TGFBR2: variants seen among roughly 807,000 people sequenced by gnomAD.
TGFBR2 encodes the protein TGF-beta receptor type-2.
Under a neutral mutation model 49.0 loss-of-function variants are expected in TGFBR2, and 18 were observed. The ratio of observed to expected loss-of-function variants is 0.37; its 90% CI spans 0.25 to 0.54. The LOEUF (loss-of-function observed/expected upper bound fraction) is 0.54. Among genes scored for constraint, TGFBR2 ranks in the 20% least tolerant of loss-of-function variants. The probability of loss-of-function intolerance (pLI) is 0.85; values close to 1 mark genes in which losing one functional copy is unlikely to be tolerated. For synonymous variants in TGFBR2, 282 were observed against 275.9 expected, an observed-to-expected ratio of 1.02 and a Z score of -0.22; for missense variants, 525 against 722.6, an observed-to-expected ratio of 0.73 and a Z score of 3.13.
At chr3:30,646,663 T>A (rs574813126) in intron 2 of TGFBR2, among the ~76,000 whole-genome samples, 50 of 152,222 alleles carry the variant, frequency 3.3e-4, no homozygotes, top group African/African-American at 1.2e-3. Context: ...CCAAGTGAAG[T>A]TCAGGAGAGG....
chr3:30,664,254 G>A (rs986907300), intron 3 of TGFBR2, among the ~76,000 whole-genome samples: 3 of 151,888 alleles, frequency 2.0e-5, no homozygotes, highest in African/African-American at 7.3e-5. Flanking sequence ...GAAGTGCTGG[G>A]ATTACAGGTG....
chr3:30,623,460 TTAAAA>T (rs1432978003), intron 1 of TGFBR2, among the ~76,000 whole-genome samples: 1 of 152,222 alleles, frequency 6.6e-6, no homozygotes, highest in African/African-American at 2.4e-5. Context: ...GCCTCGAACA[TTAAAA>T]GCCCAATTTA....
intron 1 of TGFBR2, among the ~76,000 whole-genome samples, chr3:30,618,945 C>T (rs895897150): frequency 6.6e-6 from 1 of 152,098 alleles, no homozygotes; most frequent in Non-Finnish European, 1.5e-5. Flanking sequence ...TTACTTTTGT[C>T]TTCCAGAATT....
chr3:30,614,948 A>G (rs1019769405), intron 1 of TGFBR2, among the ~76,000 whole-genome samples: 2 of 152,210 alleles, frequency 1.3e-5, no homozygotes, highest in African/African-American at 2.4e-5. Context: ...ACATTTTTCT[A>G]GTGTTTTAGC....
rs1318461187 is a variant in TGFBR2 at position 30,691,896 on chromosome 3, G to T, written c.*297G>T. The T allele has an allele frequency of 5.7e-6, 2 of 348,974 alleles. No individual in the cohort carries two copies. The highest frequency in any genetic ancestry group is 8.8e-5 in the East Asian group (2 of 22,714). The allele number at this position is 348,974 out of a possible 1,614,324, so 21.6% of individuals were successfully genotyped here. On this transcript the variant is annotated 3_prime_UTR_variant, in exon 7 of 7. Transcript: ENST00000295754. ...TTTATTAATGCCTGTATATAAATAT[G>T]AATAGCTATGTTTTATATATATATA...
rs1244365502 is a variant in TGFBR2 at position 30,672,273 on chromosome 3, G to C, written c.1090G>C (p.Asp364His). 6.2e-7 allele frequency: 1 copy of C among 1,604,558 alleles called. No individual in the cohort carries two copies. ...LARGIAHLHS[D>H]HTPCGRPKMP... ...CCGGGGGATTGCTCACCTCCACAGTGATCACACTCCATGTGGGAGGCCCAA... is the reference window on the plus strand; with the variant it reads ...CCGGGGGATTGCTCACCTCCACAGTCATCACACTCCATGTGGGAGGCCCAA... The change falls in exon 4 of 7, where the codon GAT becomes CAT. Residue 364 changes from aspartate (D) to histidine (H), a missense_variant. By Grantham distance (81) the Asp-to-His change is moderately conservative. This residue lies in a region of TGFBR2 where 376 missense variants were observed against 478.2 expected (regional missense o/e 0.79). Coordinates refer to ENST00000295754, the MANE Select transcript of TGFBR2 (RefSeq NM_003242.6). The surrounding 1 kb of genome is among the most constrained non-coding windows in gnomAD (Gnocchi z 4.5).
chr3:30,614,280 T>C (rs1167509452), intron 1 of TGFBR2, among the ~76,000 whole-genome samples: 1 of 152,052 alleles, frequency 6.6e-6, no homozygotes. Flanking sequence ...CAAGCCTCTT[T>C]AAAGAAAACA....
chr3:30,646,431 A>T (rs1698742765), intron 2 of TGFBR2, among the ~76,000 whole-genome samples: 1 of 152,220 alleles, frequency 6.6e-6, no homozygotes, highest in African/African-American at 2.4e-5. Flanking sequence ...GGCCTGGGCA[A>T]TTAGACATGG....
chr3:30,627,005 C>T (rs550000700), intron 1 of TGFBR2, among the ~76,000 whole-genome samples: 8 of 152,102 alleles, frequency 5.3e-5, no homozygotes, highest in African/African-American at 1.2e-4. Flanking sequence ...AGGGGAATGA[C>T]GTAATAAAAC....
chr3:30,651,629 GT>G (rs1298914168), intron 3 of TGFBR2, among the ~76,000 whole-genome samples: 1 of 152,146 alleles, frequency 6.6e-6, no homozygotes, highest in African/African-American at 2.4e-5. Context: ...ATTGTCTTCA[GT>G]TTTTCCACTT....
chr3:30,641,699 G>A (rs546298602), intron 1 of TGFBR2, among the ~76,000 whole-genome samples: 1 of 152,232 alleles, frequency 6.6e-6, no homozygotes, highest in South Asian at 2.1e-4. Flanking sequence ...CCCACCATAT[G>A]CCTGTGTCTA....
At chr3:30,641,416 A>G (rs374224424) in intron 1 of TGFBR2, among the ~76,000 whole-genome samples, 1 of 152,194 alleles carries the variant, frequency 6.6e-6, no homozygotes, top group Non-Finnish European at 1.5e-5. Context: ...TGGAATGTAT[A>G]TGACCTCAAG....
At chr3:30,622,154 A>G (rs1191090000) in intron 1 of TGFBR2, among the ~76,000 whole-genome samples, 1 of 152,238 alleles carries the variant, frequency 6.6e-6, no homozygotes, top group African/African-American at 2.4e-5. Context: ...AAAATTTATC[A>G]TCAAGAAAGT....
chr3:30,610,557 G>A (rs1211641656), intron 1 of TGFBR2, among the ~76,000 whole-genome samples: 3 of 152,156 alleles, frequency 2.0e-5, no homozygotes, highest in African/African-American at 7.2e-5. Context: ...GAAGAGTGTA[G>A]GGTATAAACT....
At chr3:30,641,093 A>G (rs541307034) in intron 1 of TGFBR2, among the ~76,000 whole-genome samples, 1 of 152,308 alleles carries the variant, frequency 6.6e-6, no homozygotes, top group South Asian at 2.1e-4. Context: ...GACCAGCAGT[A>G]TACCACTTAG....
chr3:30,642,524 A>C (rs1055173064), intron 1 of TGFBR2, among the ~76,000 whole-genome samples: 1 of 152,190 alleles, frequency 6.6e-6, no homozygotes, highest in African/African-American at 2.4e-5. Context: ...GGATTTCAAC[A>C]TGCTCTCCAA....
At chr3:30,644,062 A>G (rs918418687) in intron 1 of TGFBR2, among the ~76,000 whole-genome samples, 2 of 152,174 alleles carry the variant, frequency 1.3e-5, no homozygotes, top group African/African-American at 2.4e-5. Flanking sequence ...AATGCTTGGG[A>G]TTGTGTCTAG....
chr3:30,661,966 A>G (rs542502489), intron 3 of TGFBR2, among the ~76,000 whole-genome samples: 7 of 152,288 alleles, frequency 4.6e-5, no homozygotes, highest in African/African-American at 1.4e-4. Flanking sequence ...AGTCTCATCA[A>G]TGTATCTCTT....
intron 1 of TGFBR2, among the ~76,000 whole-genome samples, chr3:30,631,887 C>A (rs1698445704): frequency 6.6e-6 from 1 of 152,108 alleles, no homozygotes; most frequent in Non-Finnish European, 1.5e-5. Context: ...GCCTTCTCCA[C>A]TGCAACCTGC....
Sources: allele counts gnomAD v4.1 joint callset (sites outside exome capture counted in the v4.1 genomes callset), GRCh38; gene constraint gnomAD v4.1.1; regional missense constraint gnomAD v4.1.1; non-coding constraint Gnocchi (gnomAD v3.1); transcripts MANE v1.5; gene names NCBI Gene and HGNC (gene_info 2026-07-23, HGNC 2026-07-21).